The following SUGCT variants were observed in gnomAD, a reference collection of about 807,000 sequenced individuals.
The protein encoded by SUGCT is succinyl-CoA:glutarate-CoA transferase.
Under a neutral mutation model 55.0 loss-of-function variants are expected in SUGCT, and 41 were observed. The ratio of observed to expected loss-of-function variants is 0.74; its 90% CI spans 0.58 to 0.97. The LOEUF is 0.97. SUGCT is among the 50% of genes least tolerant of loss of function. The pLI, the probability that SUGCT is intolerant of heterozygous loss-of-function variation, is 0.00. For missense variants in SUGCT, 568 were observed against 547.8 expected, an observed-to-expected ratio of 1.04 and a Z score of -0.37; for synonymous variants, 187 against 200.4, an observed-to-expected ratio of 0.93 and a Z score of 0.56.
chr7:40,732,887 C>T (rs887367251), intron 12 of SUGCT, among the ~76,000 whole-genome samples: 1 of 152,002 alleles, frequency 6.6e-6, no homozygotes, highest in Non-Finnish European at 1.5e-5. Flanking sequence ...GTCAGGAGTT[C>T]GAGACCCACC....
intron 8 of SUGCT, among the ~76,000 whole-genome samples, chr7:40,298,653 C>T (rs1794326796): frequency 6.6e-6 from 1 of 152,098 alleles, no homozygotes; most frequent in Non-Finnish European, 1.5e-5. Context: ...AGAGAATTTT[C>T]CTGACCACTA....
At chr7:40,306,833 A>T (rs543809265) in intron 8 of SUGCT, among the ~76,000 whole-genome samples, 1 of 152,284 alleles carries the variant, frequency 6.6e-6, no homozygotes, top group African/African-American at 2.4e-5. Flanking sequence ...TCATGGTAAG[A>T]AATATGTTTG....
At chr7:40,979,026 C>T in the SUGCT span, among the ~76,000 whole-genome samples, 6 of 152,180 alleles carry the variant, frequency 3.9e-5, no homozygotes, top group African/African-American at 1.2e-4. Context: ...AATGTACCTT[C>T]CTGATTGGGA....
intron 9 of SUGCT, among the ~76,000 whole-genome samples, chr7:40,358,423 A>G (rs1225416318): frequency 1.3e-5 from 2 of 152,154 alleles, no homozygotes; most frequent in Non-Finnish European, 2.9e-5. Context: ...TTAAAAAGTT[A>G]TTCAGAGGGC....
intron 12 of SUGCT, among the ~76,000 whole-genome samples, chr7:40,645,807 A>C (rs1374482071): frequency 6.6e-6 from 1 of 152,146 alleles, no homozygotes; most frequent in African/African-American, 2.4e-5. Flanking sequence ...CTTCTCTGCC[A>C]ATCAAGCTGG....
At chr7:40,934,057 C>T in the SUGCT span, among the ~76,000 whole-genome samples, 1 of 152,192 alleles carries the variant, frequency 6.6e-6, no homozygotes, top group African/African-American at 2.4e-5. Context: ...TCTGGTTTCT[C>T]CCCATCTTTG....
intron 4 of SUGCT, among the ~76,000 whole-genome samples, chr7:40,188,922 C>T (rs1785711205): frequency 1.3e-5 from 2 of 152,130 alleles, no homozygotes; most frequent in South Asian, 4.1e-4. Context: ...TCCTATCATC[C>T]TTGTTAGCAT....
the SUGCT span, among the ~76,000 whole-genome samples, chr7:40,869,694 C>A: frequency 3.9e-5 from 6 of 151,956 alleles, no homozygotes; most frequent in Admixed American, 1.3e-4. Flanking sequence ...CATCCAGGAT[C>A]AATTCCAGGA....
chr7:40,670,338 A>T (rs1007773097), intron 12 of SUGCT, among the ~76,000 whole-genome samples: 1 of 152,072 alleles, frequency 6.6e-6, no homozygotes, highest in Admixed American at 6.6e-5. Flanking sequence ...TCAAAGCAGA[A>T]AGCCAAGAAA....
chr7:40,681,686 A>G (rs1027963925), intron 12 of SUGCT, among the ~76,000 whole-genome samples: 1 of 152,162 alleles, frequency 6.6e-6, no homozygotes, highest in African/African-American at 2.4e-5. Context: ...AACATGGACC[A>G]TATACATTGG....
Position 40,691,855 on chromosome 7 carries a change from A to G in SUGCT, c.1090-57579A>G, listed in dbSNP as rs1401616580. On this transcript the variant is annotated intron_variant, in intron 12 of 13. Transcript: ENST00000335693. ...TTGGGGAAGGAGGAATATAAAGAGA[A>G]GAAAATGTGGGCAGATTTCAAGAGA... 1.6e-4 allele frequency among the ~76,000 whole-genome samples: 25 copies of G among 152,214 alleles called. 1 individual carries two copies. The highest frequency in any genetic ancestry group is 1.6e-3 in the Admixed American group (25 of 15,264).
intron 13 of SUGCT, among the ~76,000 whole-genome samples, chr7:40,754,402 C>T (rs1788156632): frequency 6.6e-6 from 1 of 152,170 alleles, no homozygotes; most frequent in African/African-American, 2.4e-5. Flanking sequence ...ATTAATATAA[C>T]CTGTATTGAG....
At chr7:40,390,072 C>T (rs536775509) in intron 9 of SUGCT, among the ~76,000 whole-genome samples, 4 of 152,272 alleles carry the variant, frequency 2.6e-5, no homozygotes, top group African/African-American at 9.6e-5. Context: ...AGGCCTTCGA[C>T]AAAATTCAAC....
intron 13 of SUGCT, among the ~76,000 whole-genome samples, chr7:40,806,881 G>T (rs540273423): frequency 6.6e-6 from 1 of 152,174 alleles, no homozygotes; most frequent in African/African-American, 2.4e-5. Context: ...AGAGGATGCA[G>T]CATGGTCTCC....
At chr7:40,996,919 G>A in the SUGCT span, among the ~76,000 whole-genome samples, 1 of 152,178 alleles carries the variant, frequency 6.6e-6, no homozygotes, top group East Asian at 1.9e-4. Flanking sequence ...AATTGAATTA[G>A]GAAAGTACTA....
chr7:40,900,195 C>T, the SUGCT span, among the ~76,000 whole-genome samples: 4 of 152,244 alleles, frequency 2.6e-5, no homozygotes, highest in African/African-American at 4.8e-5. Context: ...TATTTCAAAT[C>T]ATCTTGTCAT....
At chr7:40,623,823 G>A (rs1799389167) in intron 12 of SUGCT, among the ~76,000 whole-genome samples, 1 of 152,042 alleles carries the variant, frequency 6.6e-6, no homozygotes, top group Admixed American at 6.6e-5. Flanking sequence ...ATAATGACTG[G>A]TTCCTCATTT....
the SUGCT span, among the ~76,000 whole-genome samples, chr7:40,903,037 C>CTT: frequency 1.3e-4 from 19 of 144,896 alleles, no homozygotes; most frequent in Non-Finnish European, 2.1e-4. Context: ...CTTTTCTTTT[C>CTT]TTTTTTTTTT....
chr7:40,268,948 T>C (rs1791803227), intron 7 of SUGCT, among the ~76,000 whole-genome samples: 1 of 152,108 alleles, frequency 6.6e-6, no homozygotes. Flanking sequence ...ATGCTTTCAT[T>C]TTCTTGGGTA....
Sources: gnomAD v4.1 joint callset for allele counts (sites outside exome capture counted in the v4.1 genomes callset) on GRCh38, gnomAD v4.1.1 for gene constraint, MANE v1.5 for transcripts, NCBI Gene and HGNC (gene_info 2026-07-23, HGNC 2026-07-21) for gene names.